ZNF425: variants seen among roughly 807,000 people sequenced by gnomAD.
ZNF425 encodes zinc finger protein 425.
Under a neutral mutation model 17.0 loss-of-function variants are expected in ZNF425, and 21 were observed. That is an observed-to-expected ratio of 1.23 (90% CI 0.88 to 1.78). The LOEUF is 1.78. ZNF425 is among the 40% of genes most tolerant of loss of function. ZNF425 has a pLI of 0.00. For missense variants in ZNF425, 868 were observed against 967.3 expected (o/e 0.90, Z 1.36); for synonymous variants, 433 against 384.1 (o/e 1.13, Z -1.49).
intron 2 of ZNF425, among the ~76,000 whole-genome samples, chr7:149,113,608 G>A (rs999417600): frequency 2.7e-5 from 4 of 148,632 alleles, no homozygotes; most frequent in African/African-American, 1.0e-4. Context: ...CTGGAGTGCA[G>A]TGGCATGATC....
At chr7:149,124,990 C>T (rs1317808569) in intron 1 of ZNF425, among the ~76,000 whole-genome samples, 2 of 152,190 alleles carry the variant, frequency 1.3e-5, no homozygotes, top group African/African-American at 4.8e-5. Flanking sequence ...ACCACATTTT[C>T]TATAAATTCA....
rs1385389821 is a variant in ZNF425, at chr7:149,103,718, C to T, written c.2153G>A (p.Gly718Glu). The T allele has an allele frequency of 6.2e-7, 1 of 1,614,078 alleles. No homozygotes were observed. Among genetic ancestry groups the T allele is most frequent in the African/African-American group, 1.3e-5 (1 of 74,930 alleles). The change falls in exon 4 of 4, where the codon GGG becomes GAG. Residue 718 changes from glycine to glutamate, a missense_variant. Gly to Glu is a moderately conservative substitution (Grantham distance 98). Transcript: ENST00000378061. Reference protein sequence around the residue: ...SLKAHLCLHSGERPFSCDECG... With the variant: ...SLKAHLCLHSEERPFSCDECG... ...CTCATCACAAGAAAAAGGCCTCTCC[C>T]CACTGTGAAGGCACAGATGGGCCTT...
intron 1 of ZNF425, among the ~76,000 whole-genome samples, chr7:149,118,989 C>A (rs10435245): frequency 1.3e-5 from 2 of 151,906 alleles, no homozygotes; most frequent in African/African-American, 4.8e-5. Flanking sequence ...AATAATTATA[C>A]ATTCACAAGA....
chr7:149,114,931 C>CTTTTTTTTTTTTT (rs35954198), intron 2 of ZNF425, among the ~76,000 whole-genome samples: 20 of 101,022 alleles, frequency 2.0e-4, no homozygotes, highest in Non-Finnish European at 2.5e-4. Context: ...TCTTTCTTTT[C>CTTTTTTTTTTTTT]TTTTTTTTTT....
chr7:149,126,177 C>G lies in ZNF425; in HGVS notation c.18+19G>C. 6.2e-7 allele frequency: 1 copy of G among 1,613,292 alleles called. No individual in the cohort carries two copies. Among genetic ancestry groups the G allele is most frequent in the East Asian group, 2.2e-5 (1 of 44,848 alleles). ...CCCGAGTTTCGACAGAGCCTGCATC[C>G]TCCACCGGCCCTTCTTACCGAAGCC... On this transcript the variant is annotated intron_variant, in intron 1 of 3. Transcript: ENST00000378061.
intron 1 of ZNF425, among the ~76,000 whole-genome samples, chr7:149,120,195 A>C (rs1166165446): frequency 6.6e-6 from 1 of 152,152 alleles, no homozygotes; most frequent in Non-Finnish European, 1.5e-5. Flanking sequence ...CAGCCTGGCC[A>C]ACATGGTGAA....
chr7:149,124,305 G>C (rs923050097), intron 1 of ZNF425, among the ~76,000 whole-genome samples: 24 of 141,952 alleles, frequency 1.7e-4, no homozygotes, highest in African/African-American at 5.8e-4. Context: ...ACAGGCCCCC[G>C]CCACCACGCC....
intron 2 of ZNF425, among the ~76,000 whole-genome samples, chr7:149,112,957 G>A (rs139943504): frequency 0.041 from 6,072 of 147,522 alleles, 195 homozygotes; most frequent in Non-Finnish European, 0.059. Context: ...GAGCCACCGC[G>A]CCCAGCCCCG....
At chr7:149,111,974 G>A (rs561760196) in intron 3 of ZNF425, 163 bp downstream of exon 3, 172 of 622,234 alleles carry the variant, frequency 2.8e-4, no homozygotes, top group African/African-American at 2.1e-3. Flanking sequence ...GAGCCACCAC[G>A]CCCAGCCCAC....
intron 2 of ZNF425, chr7:149,113,190 G>A (rs1969468): frequency 0.55 from 82,695 of 150,874 alleles, 25,869 homozygotes; most frequent in East Asian, 0.9. Flanking sequence ...GGCCAGGATA[G>A]TCTCGAACTC....
chr7:149,118,606 A>G, intron 1 of ZNF425: 1 of 441,948 alleles, frequency 2.3e-6, no homozygotes, highest in Non-Finnish European at 4.3e-6. Flanking sequence ...TGAGGTCAGG[A>G]GTTTGAGAGA....
chr7:149,107,312 G>GATTAATTT (rs1826095206), intron 3 of ZNF425, among the ~76,000 whole-genome samples: 2 of 147,180 alleles, frequency 1.4e-5, no homozygotes, highest in African/African-American at 5.1e-5. Flanking sequence ...TTATAAGAAT[G>GATTAATTT]ATTTATTTAT....
At chr7:149,112,041 T>G in intron 3 of ZNF425, 96 bp downstream of exon 3, 1 of 1,313,292 alleles carries the variant, frequency 7.6e-7, no homozygotes, top group Non-Finnish European at 1.1e-6. Flanking sequence ...CAACTTTTTT[T>G]ATTGACTAGA....
intron 1 of ZNF425, 27 bp downstream of exon 1, chr7:149,126,169 C>G (rs766301514): frequency 2.5e-6 from 4 of 1,613,238 alleles, no homozygotes; most frequent in African/African-American, 2.7e-5. Context: ...TTCGACAGAG[C>G]CTGCATCCTC....
intron 1 of ZNF425, chr7:149,125,913 C>T (rs1826458168): frequency 3.3e-6 from 2 of 605,788 alleles, no homozygotes; most frequent in Admixed American, 5.8e-5. Context: ...GCGCAGAGCT[C>T]CCGGGCTCAA....
At chr7:149,119,433 C>T (rs1358880061) in intron 1 of ZNF425, among the ~76,000 whole-genome samples, 2 of 152,114 alleles carry the variant, frequency 1.3e-5, no homozygotes, top group Non-Finnish European at 2.9e-5. Flanking sequence ...CCCACTTTAC[C>T]CAAAAGGTCA....
At position 149,118,225 on chromosome 7, in the gene ZNF425, G is replaced by A. The variant is rs533033502; in HGVS notation, c.142C>T (p.Leu48=). Residue 48 remains leucine, a synonymous_variant, in exon 2 of 4, where the codon CTG becomes TTG. Coordinates refer to ENST00000378061, the MANE Select transcript of ZNF425 (RefSeq NM_001001661.3). ...MKTNYETLDS[L]GYAFSKPDLI... ...ATTCCTTAGAAGCTCATCTTACCCAGGGAATCAAGGGTCTCGTAATTGGTC... is the reference window on the plus strand; with the variant it reads ...ATTCCTTAGAAGCTCATCTTACCCAAGGAATCAAGGGTCTCGTAATTGGTC... The A allele has an allele frequency of 1.2e-5, 19 of 1,614,014 alleles. No individual in the cohort carries two copies. The South Asian group carries it at 1.9e-4, about 16-fold the overall frequency.
Position 149,104,926 on chromosome 7 carries a change from G to C in ZNF425, c.945C>G (p.Cys315Trp), listed in dbSNP as rs752244757. Reference protein sequence around the residue: ...GECGRAFVQQCELTEHLRLHS... With the variant: ...GECGRAFVQQWELTEHLRLHS... ...GCAGCCGCAAGTGCTCCGTGAGCTC[G>C]CACTGCTGCACGAAGGCCCGGCCGC... The change falls in exon 4 of 4, where the codon TGC (cysteine) becomes TGG (tryptophan). Residue 315 changes from cysteine (C) to tryptophan (W), a missense_variant. Physicochemically the swap from Cys to Trp is radical, Grantham distance 215. Transcript: ENST00000378061. The surrounding 1 kb of genome is among the most constrained non-coding windows in gnomAD (Gnocchi z 4.3). 8.7e-6 allele frequency: 14 copies of C among 1,613,520 alleles called. No individual in the cohort carries two copies. Among genetic ancestry groups the C allele is most frequent in the Non-Finnish European group, 1.2e-5 (14 of 1,179,962 alleles).
In ZNF425 at chr7:149,102,971, G is replaced by A. The variant is rs1826002420; in HGVS notation, c.*641C>T. 6.6e-6 allele frequency: 1 copy of A among 152,206 alleles called. No homozygotes were observed. Among genetic ancestry groups the A allele is most frequent in the Non-Finnish European group, 1.5e-5 (1 of 68,038 alleles). The allele number at this position is 152,206 out of a possible 1,614,324, so 9.4% of individuals were successfully genotyped here. A position where few individuals can be genotyped will look rare whatever the true frequency, so the allele number is the denominator to read the frequency against. ...CTGACTGAGGAATATGTTCCTGGCT[G>A]TAACATTTCTTCACTCAGGCTGTAG... is the stretch of plus-strand genomic sequence containing the variant. On this transcript the variant is annotated 3_prime_UTR_variant, in exon 4 of 4. Coordinates refer to ENST00000378061, the MANE Select transcript of ZNF425 (RefSeq NM_001001661.3).
Sources: gnomAD v4.1 joint callset for allele counts (sites outside exome capture counted in the v4.1 genomes callset) on GRCh38, gnomAD v4.1.1 for gene constraint, Gnocchi (gnomAD v3.1) non-coding constraint, MANE v1.5 for transcripts, NCBI Gene and HGNC (gene_info 2026-07-23, HGNC 2026-07-21) for gene names.